DDC: variants seen among roughly 807,000 people sequenced by gnomAD.
DDC encodes the protein dopa decarboxylase.
A neutral mutation model predicts 60.0 loss-of-function variants in DDC; 43 were observed. That is an observed-to-expected ratio of 0.72 (90% CI 0.56 to 0.92). The LOEUF (loss-of-function observed/expected upper bound fraction) is 0.92, where lower values mean the gene tolerates loss of function less well. Among genes scored for constraint, DDC ranks in the 40% least tolerant of loss-of-function variants. DDC has a pLI of 0.00. For synonymous variants in DDC, 232 were observed against 234.6 expected (o/e 0.99, Z 0.10); for missense variants, 573 against 620.2 (o/e 0.92, Z 0.81).
chr7:50,508,245 C>T (rs1054922225), intron 6 of DDC, among the ~76,000 whole-genome samples: 1 of 152,246 alleles, frequency 6.6e-6, no homozygotes, highest in African/African-American at 2.4e-5. Flanking sequence ...AGCACCTGCT[C>T]CGCTCCAGGC....
At chr7:50,515,847 G>GT (rs2043712216) in intron 6 of DDC, among the ~76,000 whole-genome samples, 1 of 152,160 alleles carries the variant, frequency 6.6e-6, no homozygotes, top group Non-Finnish European at 1.5e-5. Flanking sequence ...TTATATAATG[G>GT]TAAAAGGCAT....
rs1306418412 is a variant in DDC at position 50,463,241 on chromosome 7, T to C, written c.1433A>G (p.Glu478Gly). 6.2e-7 allele frequency: 1 copy of C among 1,612,376 alleles called. No individual in the cohort carries two copies. Among genetic ancestry groups the C allele is most frequent in the Non-Finnish European group, 8.5e-7 (1 of 1,179,406 alleles). The change falls in exon 14 of 15, where the codon GAG (glutamate) becomes GGG (glycine). Residue 478 changes from glutamate to glycine, a missense_variant. By Grantham distance (98) the Glu-to-Gly change is moderately conservative. Transcript: ENST00000444124. ...KELAADVLRA[E>G]RE is the part of the protein sequence containing the mutation. Reference sequence around the variant, plus strand: ...CAGCTGGCTTCACTCCTACTCCCTCTCTGCTCGCAGCACGTCGGCCGCCAG... The same window carrying C: ...CAGCTGGCTTCACTCCTACTCCCTCCCTGCTCGCAGCACGTCGGCCGCCAG...
At chr7:50,493,299 A>G (rs1228791143) in intron 9 of DDC, among the ~76,000 whole-genome samples, 1 of 152,164 alleles carries the variant, frequency 6.6e-6, no homozygotes, top group Non-Finnish European at 1.5e-5. Context: ...GGCGCACGAG[A>G]ACCCCTCCTC....
At chr7:50,486,273 C>T (rs941011215) in intron 9 of DDC, among the ~76,000 whole-genome samples, 6 of 152,256 alleles carry the variant, frequency 3.9e-5, no homozygotes, top group East Asian at 1.9e-4. Context: ...TGTTGCTTTG[C>T]GTGCATGCAC....
intron 1 of DDC, among the ~76,000 whole-genome samples, chr7:50,556,738 C>T (rs929208333): frequency 1.3e-5 from 2 of 152,224 alleles, no homozygotes; most frequent in African/African-American, 4.8e-5. Context: ...AGTCCCACTC[C>T]GCCCAGCTGG....
At chr7:50,539,693 C>T in intron 3 of DDC, 2 of 542,300 alleles carry the variant, frequency 3.7e-6, no homozygotes, top group Admixed American at 2.6e-5. Flanking sequence ...ACAGCCTGTG[C>T]AGAATGGGCT....
chr7:50,524,384 T>C (rs9918702), intron 6 of DDC, among the ~76,000 whole-genome samples: 106,708 of 152,090 alleles, frequency 0.7, 37,873 homozygotes, highest in East Asian at 0.8. Context: ...ATGGGGGAAA[T>C]GAAGGTTGGG....
intron 9 of DDC, among the ~76,000 whole-genome samples, chr7:50,486,893 T>C (rs1299658457): frequency 2.6e-5 from 4 of 152,338 alleles, no homozygotes; most frequent in South Asian, 2.1e-4. Context: ...ATCTTATCTG[T>C]TGTAAAGTGC....
chr7:50,487,466 C>G (rs2042910181), intron 9 of DDC, among the ~76,000 whole-genome samples: 1 of 151,876 alleles, frequency 6.6e-6, no homozygotes, highest in South Asian at 2.1e-4. Context: ...GTTTAGAGGA[C>G]CTTTCTACTG....
At chr7:50,525,381 G>A (rs888492096) in intron 6 of DDC, among the ~76,000 whole-genome samples, 1 of 152,168 alleles carries the variant, frequency 6.6e-6, no homozygotes, top group Non-Finnish European at 1.5e-5. Context: ...ATAAAAGTTG[G>A]AACAATTAGG....
intron 11 of DDC, among the ~76,000 whole-genome samples, chr7:50,473,993 C>G (rs981302673): frequency 1.3e-5 from 2 of 152,182 alleles, no homozygotes; most frequent in Non-Finnish European, 2.9e-5. Flanking sequence ...CTCATAGCTC[C>G]TGGTTGGAAA....
In DDC at chr7:50,467,332, G is replaced by C; in HGVS notation, c.1141-17C>G. On this transcript the variant is annotated splice_polypyrimidine_tract_variant and intron_variant, in intron 12 of 14. Coordinates refer to ENST00000444124, the MANE Select transcript of DDC (RefSeq NM_001082971.2). Reference sequence around the variant, plus strand: ...CTGGACATGCTTCAAAGAGGAAAGGGAAAATCTGTTTTTCTCATGGCCATT... The same window carrying C: ...CTGGACATGCTTCAAAGAGGAAAGGCAAAATCTGTTTTTCTCATGGCCATT... The C allele has an allele frequency of 1.2e-6, 2 of 1,608,198 alleles. No individual in the cohort carries two copies. Among genetic ancestry groups the C allele is most frequent in the Non-Finnish European group, 1.7e-6 (2 of 1,174,632 alleles).
chr7:50,538,056 T>G, intron 3 of DDC, 77 bp from the exon 4 acceptor site: 1 of 1,564,270 alleles, frequency 6.4e-7, no homozygotes. Context: ...ACAAGGGGAT[T>G]TAACCTTCCA....
intron 1 of DDC, among the ~76,000 whole-genome samples, chr7:50,562,243 A>C (rs1192100168): frequency 6.6e-6 from 1 of 152,104 alleles, no homozygotes; most frequent in Non-Finnish European, 1.5e-5. Flanking sequence ...GGTACAAGTG[A>C]GGGGATCCTG....
chr7:50,492,128 A>G (rs1326477646), intron 9 of DDC, among the ~76,000 whole-genome samples: 1 of 152,222 alleles, frequency 6.6e-6, no homozygotes, highest in Non-Finnish European at 1.5e-5. Flanking sequence ...GCCTCAGAAG[A>G]AACCAGCCTG....
intron 11 of DDC, among the ~76,000 whole-genome samples, chr7:50,474,188 G>C (rs2042591088): frequency 6.6e-6 from 1 of 152,238 alleles, no homozygotes; most frequent in Admixed American, 6.5e-5. Context: ...AGCTAGTAGA[G>C]ATAACTAGTA....
At chr7:50,495,724 A>G (rs1045264176) in intron 8 of DDC, among the ~76,000 whole-genome samples, 5 of 152,258 alleles carry the variant, frequency 3.3e-5, no homozygotes, top group Non-Finnish European at 5.9e-5. Context: ...TTTTAAAATT[A>G]AAAGTTTATA....
At chr7:50,492,262 A>T (rs1172343269) in intron 9 of DDC, among the ~76,000 whole-genome samples, 3 of 152,210 alleles carry the variant, frequency 2.0e-5, no homozygotes, top group Non-Finnish European at 4.4e-5. Flanking sequence ...CAGTGCCCCC[A>T]AACAGTAAAG....
At chr7:50,518,024 A>T (rs1481967331) in intron 6 of DDC, among the ~76,000 whole-genome samples, 2 of 151,930 alleles carry the variant, frequency 1.3e-5, no homozygotes, top group Non-Finnish European at 2.9e-5. Context: ...GCTGGCGAAC[A>T]TGGTGAAACC....
Sources: gnomAD v4.1 joint callset for allele counts (sites outside exome capture counted in the v4.1 genomes callset) on GRCh38, gnomAD v4.1.1 for gene constraint, MANE v1.5 for transcripts, NCBI Gene and HGNC (gene_info 2026-07-23, HGNC 2026-07-21) for gene names.